The following BTK variants were observed in gnomAD, a reference collection of about 807,000 sequenced individuals.
BTK encodes tyrosine-protein kinase BTK.
BTK carries 5 observed loss-of-function variants against 57.4 expected under a neutral mutation model. The ratio of observed to expected loss-of-function variants is 0.09; its 90% confidence interval spans 0.05 to 0.18. The LOEUF is 0.18. Among genes scored for constraint, BTK ranks in the 10% least tolerant of loss-of-function variants. The probability of loss-of-function intolerance (pLI) is 1.00; values close to 1 mark genes in which losing one functional copy is unlikely to be tolerated. For missense variants in BTK, 194 were observed against 501.2 expected (o/e 0.39, Z 5.85); for synonymous variants, 154 against 174.3 (o/e 0.88, Z 0.92).
At chrX:101,373,985 C>T (rs1330810676) in intron 3 of BTK, among the ~76,000 whole-genome samples, 3 of 109,114 alleles carry the variant, frequency 2.7e-5, no homozygotes, top group African/African-American at 1.0e-4. Flanking sequence ...GTGAAGGTTG[C>T]AGTGAGCCAA....
chrX:101,356,552 C>G, intron 14 of BTK: 1 of 453,663 alleles, frequency 2.2e-6, no homozygotes, highest in Non-Finnish European at 3.8e-6. Flanking sequence ...TACATCTACC[C>G]CCAAATGCTA....
At chrX:101,387,638 C>G (rs1185518255), upstream of BTK, among the ~76,000 whole-genome samples, 2 of 110,445 alleles carry the variant, frequency 1.8e-5, no homozygotes, top group African/African-American at 3.3e-5. Context: ...AGGAGTGAGC[C>G]ACCTCTCCCA....
chrX:101,362,649 A>C lies in BTK; in HGVS notation c.432T>G (p.Pro144=), dbSNP rs1926711577. The part of the protein sequence containing the change: ...YNSDLVQKYH[P]CFWIDGQYLC... ...GATACTGCCCATCGATCCAGAAGCA[A>C]GGGTGATATTTCTGAACCAGATCAC... The change falls in exon 6 of 19, where the codon CCT becomes CCG. Residue 144 remains proline (P), a synonymous_variant. Coordinates refer to ENST00000308731, the MANE Select transcript of BTK (RefSeq NM_000061.3). 1.6e-6 allele frequency: 2 copies of C among 1,212,254 alleles called. No homozygotes were observed. The highest frequency in any genetic ancestry group is 2.2e-6 in the Non-Finnish European group (2 of 895,568).
In BTK at chrX:101,350,155, C is replaced by T. The variant is rs572408904; in HGVS notation, c.1909-199G>A. On this transcript the variant is annotated intron_variant, in intron 18 of 18. Coordinates refer to ENST00000308731, the MANE Select transcript of BTK (RefSeq NM_000061.3). ...TTTGTGCACTTTTCATCTTTAGTAA[C>T]TCAGGTTATTAGTGTGATAAGAACA... Among the ~76,000 whole-genome samples, 101 of 107,211 alleles carry T rather than the reference C, an allele frequency of 9.4e-4. 2 individuals carry two copies. In the South Asian group the frequency reaches 0.04, roughly 43 times the overall value. 93.1% of individuals were successfully genotyped at this position (107,211 alleles called of 115,157 possible).
intron 15 of BTK, 99 bp downstream of exon 15, chrX:101,355,953 T>C (rs1926464753): frequency 3.4e-6 from 3 of 880,240 alleles, no homozygotes; most frequent in Middle Eastern, 2.7e-4. Flanking sequence ...ATTGAAATGA[T>C]GGCACCAGCA....
chrX:101,357,720 A>G, intron 12 of BTK, 137 bp from the exon 13 acceptor site: 1 of 555,826 alleles, frequency 1.8e-6, no homozygotes, highest in Non-Finnish European at 3.2e-6. Context: ...CCATGAACCC[A>G]CATATTTCCA....
chrX:101,358,858 C>T (rs1926569206), intron 10 of BTK, among the ~76,000 whole-genome samples, 162 bp from the exon 11 acceptor site: 1 of 111,966 alleles, frequency 8.9e-6, no homozygotes, highest in South Asian at 3.7e-4. Flanking sequence ...AAGGTGCAGG[C>T]CGGGCATGGT....
At chrX:101,352,985 G>T in intron 18 of BTK, 1 of 402,233 alleles carries the variant, frequency 2.5e-6, no homozygotes, top group Non-Finnish European at 4.3e-6. Context: ...AGAATCGCTT[G>T]AATCTGGGAG....
chrX:101,355,939 TA>T, intron 15 of BTK, 112 bp downstream of exon 15: 1 of 800,604 alleles, frequency 1.2e-6, no homozygotes. Context: ...ACTTTCTAGA[TA>T]AAATTGAAAT....
intron 1 of BTK, among the ~76,000 whole-genome samples, chrX:101,380,643 T>C: frequency 9.0e-6 from 1 of 111,334 alleles, no homozygotes; most frequent in East Asian, 2.8e-4. Flanking sequence ...TGTTTATCAT[T>C]CCTAGGTATG....
chrX:101,373,920 C>A (rs1424113775), intron 3 of BTK, among the ~76,000 whole-genome samples: 3 of 110,379 alleles, frequency 2.7e-5, no homozygotes, highest in Admixed American at 9.7e-5. Flanking sequence ...TGGTGCACAC[C>A]TGTAATCCCA....
chrX:101,371,614 G>C lies in BTK; in HGVS notation c.309+19C>G, dbSNP rs1555980309. ...TGTTACAGGGGCCTTTCGAGATTTG[G>C]TGAGAGAAAATAACTCACCTGGAAG... On this transcript the variant is annotated intron_variant, in intron 4 of 18. Coordinates refer to ENST00000308731, the MANE Select transcript of BTK (RefSeq NM_000061.3). 1 of 1,201,666 alleles carries C rather than the reference G, an allele frequency of 8.3e-7. No individual in the cohort carries two copies. Among genetic ancestry groups the C allele is most frequent in the Non-Finnish European group, 1.1e-6 (1 of 886,440 alleles).
At chrX:101,360,855 CATACTAAA>C in intron 7 of BTK, 100 bp from the exon 8 acceptor site, 3 of 846,719 alleles carry the variant, frequency 3.5e-6, no homozygotes, top group Non-Finnish European at 5.3e-6. Flanking sequence ...CCAAATCAGG[CATACTAAA>C]ATATTACTCA....
chrX:101,350,456 T>A (rs1330908685), intron 18 of BTK, among the ~76,000 whole-genome samples: 1 of 101,842 alleles, frequency 9.8e-6, no homozygotes, highest in East Asian at 3.0e-4. Context: ...AAGGTTTTTT[T>A]TTTTTTTTCT....
chrX:101,373,264 T>C (rs1927097221), intron 3 of BTK, among the ~76,000 whole-genome samples: 1 of 111,475 alleles, frequency 9.0e-6, no homozygotes, highest in Non-Finnish European at 1.9e-5. Flanking sequence ...AACAAAATTT[T>C]ACTTCTAGGA....
rs782520743 is a variant in BTK, at chrX:101,372,184, A to G, written c.241-483T>C. Among the ~76,000 whole-genome samples, 223 of 112,426 alleles carry G rather than the reference A, an allele frequency of 2.0e-3. 4 individuals carry two copies. The highest frequency in any genetic ancestry group is 0.014 in the Middle Eastern group (3 of 217). ...GAAAAACCTGAACTAATTTGATGAC[A>G]TAGACTTTAAATCCCTATATGGCAA... On this transcript the variant is annotated intron_variant, in intron 3 of 18. Transcript: ENST00000308731.
In BTK at chrX:101,376,356, G is replaced by A. The variant is rs1927213538; in HGVS notation, c.-30-1042C>T. 2.7e-5 allele frequency among the ~76,000 whole-genome samples: 3 copies of A among 112,099 alleles called. No individual in the cohort carries two copies. The Admixed American group carries it at 2.9e-4, about 11-fold the overall frequency. On this transcript the variant is annotated intron_variant, in intron 1 of 18. Coordinates refer to ENST00000308731, the MANE Select transcript of BTK (RefSeq NM_000061.3). ...TAAAAATAGAACACTAGGCCGGCGC[G>A]GTGGCTCACATCTGTAATCCCAGCA...
intron 7 of BTK, 40 bp downstream of exon 7, chrX:101,362,133 T>C (rs1555978776): frequency 4.3e-6 from 5 of 1,175,318 alleles, no homozygotes; most frequent in Admixed American, 4.4e-5. Flanking sequence ...GACTATAAGT[T>C]TCCATTTAAG....
At chrX:101,379,098 C>T (rs781829818) in intron 1 of BTK, among the ~76,000 whole-genome samples, 3 of 106,868 alleles carry the variant, frequency 2.8e-5, no homozygotes, top group South Asian at 4.2e-4. Context: ...CGCTTGAACT[C>T]GGGAGGCGGA....
Sources: gnomAD v4.1 joint callset for allele counts (sites outside exome capture counted in the v4.1 genomes callset) on GRCh38, gnomAD v4.1.1 for gene constraint, MANE v1.5 for transcripts, NCBI Gene and HGNC (gene_info 2026-07-23, HGNC 2026-07-21) for gene names.